The following RRBP1 variants were observed in gnomAD, a reference collection of about 807,000 sequenced individuals.
RRBP1 encodes ribosome binding protein 1.
A neutral mutation model predicts 165.2 loss-of-function variants in RRBP1; 94 were observed. The ratio of observed to expected loss-of-function variants is 0.57; its 90% CI spans 0.48 to 0.68. The LOEUF (loss-of-function observed/expected upper bound fraction) is 0.68, where lower values mean the gene tolerates loss of function less well. RRBP1 is among the 30% of genes least tolerant of loss of function. The probability of loss-of-function intolerance (pLI) is 0.00; values close to 1 mark genes in which losing one functional copy is unlikely to be tolerated. For missense variants in RRBP1, 1,676 were observed against 1,763.0 expected, an observed-to-expected ratio of 0.95 and a Z score of 0.88; for synonymous variants, 680 against 714.5, an observed-to-expected ratio of 0.95 and a Z score of 0.77.
intron 2 of RRBP1, among the ~76,000 whole-genome samples, chr20:17,668,631 T>G (rs1025184346): frequency 6.6e-6 from 1 of 152,238 alleles, no homozygotes; most frequent in Non-Finnish European, 1.5e-5. Context: ...CCCTTGCGAC[T>G]ACTGGGCAGG....
intron 7 of RRBP1, among the ~76,000 whole-genome samples, chr20:17,634,062 G>A (rs2122323814): frequency 6.6e-6 from 1 of 152,352 alleles, no homozygotes; most frequent in East Asian, 1.9e-4. Flanking sequence ...CAGAGCCTGA[G>A]GTGCTTACAA....
intron 19 of RRBP1, 62 bp from the exon 20 acceptor site, chr20:17,618,741 C>T: frequency 7.6e-7 from 1 of 1,311,550 alleles, no homozygotes; most frequent in Non-Finnish European, 1.1e-6. Context: ...AAACCAGTCC[C>T]CGTGAGTTAG....
At position 17,659,668 on chromosome 20, in the gene RRBP1, T is replaced by A; in HGVS notation, c.840A>T (p.Lys280Asn). 1 of 1,548,750 alleles carries A rather than the reference T, an allele frequency of 6.5e-7. No individual in the cohort carries two copies. The highest frequency in any genetic ancestry group is 8.7e-7 in the Non-Finnish European group (1 of 1,146,466). Reference protein sequence around the residue: ...KKVDTTPNQGKKVEGAPTQGR... With the variant: ...KKVDTTPNQGNKVEGAPTQGR... ...CCTGGGTTGGGGCCCCCTCCACCTT[T>A]TTCCCCTGGTTTGGGGTTGTATCTA... Residue 280 changes from lysine (K) to asparagine (N), a missense_variant, in exon 3 of 25, where the codon AAA becomes AAT. Coordinates refer to ENST00000377813, the MANE Select transcript of RRBP1 (RefSeq NM_001365613.2).
chr20:17,614,370 G>A (rs1280599844), intron 24 of RRBP1, 150 bp from the exon 25 acceptor site: 2 of 743,550 alleles, frequency 2.7e-6, no homozygotes, highest in African/African-American at 1.7e-5. Context: ...AGACCCCTGG[G>A]GCTGGGGGAC....
chr20:17,666,320 T>G (rs1209483369), intron 2 of RRBP1, among the ~76,000 whole-genome samples: 1 of 150,996 alleles, frequency 6.6e-6, no homozygotes, highest in African/African-American at 2.4e-5. Context: ...AGCCTGAGCA[T>G]CATAGCAAGA....
chr20:17,619,534 T>A (rs1320705693), intron 19 of RRBP1, 99 bp downstream of exon 19: 3 of 809,608 alleles, frequency 3.7e-6, no homozygotes, highest in South Asian at 3.9e-5. Context: ...TCAAGGCTTA[T>A]GTCACCGAGA....
At chr20:17,675,503 T>C (rs146172509) in intron 2 of RRBP1, among the ~76,000 whole-genome samples, 134 of 131,484 alleles carry the variant, frequency 1.0e-3, no homozygotes, top group African/African-American at 3.6e-3. Flanking sequence ...ATACGGGACA[T>C]GTCAGGGGGT....
chr20:17,618,709 G>T, intron 19 of RRBP1, 30 bp from the exon 20 acceptor site: 1 of 1,547,214 alleles, frequency 6.5e-7, no homozygotes, highest in Non-Finnish European at 8.9e-7. Context: ...CGGGTGATGG[G>T]AAAAAAGGAG....
At chr20:17,614,296 C>T in intron 24 of RRBP1, 76 bp from the exon 25 acceptor site, 1 of 1,417,780 alleles carries the variant, frequency 7.1e-7, no homozygotes, top group Non-Finnish European at 9.9e-7. Context: ...CTACCCTGGG[C>T]CTTTAGTCCC....
At chr20:17,642,246 G>A (rs993057650) in intron 4 of RRBP1, among the ~76,000 whole-genome samples, 12 of 152,358 alleles carry the variant, frequency 7.9e-5, no homozygotes, top group South Asian at 2.1e-4. Flanking sequence ...CGAGCCGGGC[G>A]TGCAGCCCGT....
In RRBP1 at chr20:17,658,671, C is replaced by T. The variant is rs780375386; in HGVS notation, c.1837G>A (p.Ala613Thr). ...ASVQGRNTDVAQSPEAPKQEA... is the reference protein window; with the variant it reads ...ASVQGRNTDVTQSPEAPKQEA... The stretch of plus-strand genomic sequence containing the variant: ...TGCTTTGGTGCCTCTGGGCTCTGGG[C>T]CACATCTGTATTTCTGCCCTGGACA... Residue 613 changes from alanine to threonine, a missense_variant, in exon 3 of 25, where the codon GCC becomes ACC. Physicochemically the swap from Ala to Thr is moderately conservative, Grantham distance 58 (BLOSUM62 0). Around this residue, in one of 5 missense-constraint regions of RRBP1, gnomAD observed 1,184 missense variants for 1,167.1 expected, o/e 1.01. Transcript: ENST00000377813. 1 of 1,614,196 alleles carries T rather than the reference C, an allele frequency of 6.2e-7. No individual in the cohort carries two copies. Among genetic ancestry groups the T allele is most frequent in the Non-Finnish European group, 8.5e-7 (1 of 1,180,046 alleles).
Position 17,614,741 on chromosome 20 carries a change from T to G in RRBP1, c.4190A>C (p.Lys1397Thr). ...GCTTTGGCGCCAGGCACGCACTGCC[T>G]TTTCCAGCTGTTCCTGCAGCTTCTT... ...TVKKLQEQLE[K>T]AEDGSSSKEG... The change falls in exon 24 of 25, where the codon AAG becomes ACG. Residue 1397 changes from lysine to threonine, a missense_variant. This residue lies in a region of RRBP1 where 1,184 missense variants were observed against 1,167.1 expected (regional missense o/e 1.01). Coordinates refer to ENST00000377813, the MANE Select transcript of RRBP1 (RefSeq NM_001365613.2). 1 of 1,611,946 alleles carries G rather than the reference T, an allele frequency of 6.2e-7. No individual in the cohort carries two copies.
intron 2 of RRBP1, among the ~76,000 whole-genome samples, chr20:17,662,748 G>T (rs574251336): frequency 2.7e-4 from 41 of 152,220 alleles, no homozygotes; most frequent in Admixed American, 2.3e-3. Context: ...GGAGGATGGG[G>T]ACAAGAAGGT....
At chr20:17,624,054 A>G (rs1420106783) in intron 13 of RRBP1, among the ~76,000 whole-genome samples, 1 of 152,236 alleles carries the variant, frequency 6.6e-6, no homozygotes, top group African/African-American at 2.4e-5. Flanking sequence ...TAAAGAGTGC[A>G]GCCTCGGGCT....
chr20:17,627,337 C>T lies in RRBP1; in HGVS notation c.2963+11G>A, dbSNP rs373415177. On this transcript the variant is annotated intron_variant, in intron 11 of 24. Coordinates refer to ENST00000377813, the MANE Select transcript of RRBP1 (RefSeq NM_001365613.2). The stretch of plus-strand genomic sequence containing the variant: ...GCTCAAGTGAGCAGGCAGGCTGCTT[C>T]CCCAGCTTACCGAGTCTGCTGCTGG... 3.7e-6 allele frequency: 6 copies of T among 1,612,844 alleles called. No individual in the cohort carries two copies. In the East Asian group the frequency reaches 6.7e-5, roughly 18 times the overall value.
intron 2 of RRBP1, among the ~76,000 whole-genome samples, chr20:17,660,929 G>A (rs981475029): frequency 6.7e-6 from 1 of 150,218 alleles, no homozygotes; most frequent in Non-Finnish European, 1.5e-5. Context: ...AAAAACACCC[G>A]CCCCCACCTA....
At chr20:17,673,478 G>T (rs533659185) in intron 2 of RRBP1, among the ~76,000 whole-genome samples, 2 of 152,062 alleles carry the variant, frequency 1.3e-5, no homozygotes, top group Admixed American at 6.6e-5. Context: ...GTACGATCCC[G>T]GCTCACTGCA....
chr20:17,631,394 T>C (rs1275656812), intron 8 of RRBP1, among the ~76,000 whole-genome samples: 1 of 152,268 alleles, frequency 6.6e-6, no homozygotes, highest in African/African-American at 2.4e-5. Flanking sequence ...GTTACTAACA[T>C]TGATTAGAAC....
At chr20:17,625,121 G>A (rs1423091581) in intron 12 of RRBP1, among the ~76,000 whole-genome samples, 1 of 152,150 alleles carries the variant, frequency 6.6e-6, no homozygotes, top group East Asian at 1.9e-4. Flanking sequence ...TGAGAAGGGG[G>A]CAGGAGGGTG....
Sources: allele counts gnomAD v4.1 joint callset (sites outside exome capture counted in the v4.1 genomes callset), GRCh38; gene constraint gnomAD v4.1.1; regional missense constraint gnomAD v4.1.1; transcripts MANE v1.5; gene names NCBI Gene and HGNC (gene_info 2026-07-23, HGNC 2026-07-21).